BCAT1: variants seen among roughly 807,000 people sequenced by gnomAD.
The protein encoded by BCAT1 is branched-chain-amino-acid aminotransferase, cytosolic.
BCAT1 carries 48 observed loss-of-function variants against 52.4 expected under a neutral mutation model. That is an observed-to-expected ratio of 0.92 (90% CI 0.73 to 1.16). The LOEUF (loss-of-function observed/expected upper bound fraction) is 1.16. BCAT1 is among the 50% of genes most tolerant of loss of function. The probability of loss-of-function intolerance (pLI) is 0.00; values close to 1 mark genes in which losing one functional copy is unlikely to be tolerated. For missense variants in BCAT1, 451 were observed against 457.1 expected (o/e 0.99, Z 0.12); for synonymous variants, 167 against 161.3 (o/e 1.04, Z -0.27).
chr12:24,928,866 G>T (rs1943636170), intron 1 of BCAT1, among the ~76,000 whole-genome samples: 3 of 151,944 alleles, frequency 2.0e-5, no homozygotes, highest in Admixed American at 2.0e-4. Context: ...TTCCCAAGTA[G>T]CTGGGATTAC....
chr12:24,879,863 G>A (rs1479475089), intron 4 of BCAT1, among the ~76,000 whole-genome samples: 1 of 152,182 alleles, frequency 6.6e-6, no homozygotes, highest in Non-Finnish European at 1.5e-5. Flanking sequence ...TGATTACACA[G>A]ATAAGGAATG....
chr12:24,878,623 C>G lies in BCAT1; in HGVS notation c.417G>C (p.Glu139Asp), dbSNP rs760711818. 1.9e-6 allele frequency: 3 copies of G among 1,605,634 alleles called. No individual in the cohort carries two copies. The highest frequency in any genetic ancestry group is 2.6e-6 in the Non-Finnish European group (3 of 1,175,156). Residue 139 changes from glutamate to aspartate, a missense_variant, in exon 5 of 11, where the codon GAG becomes GAC. Physicochemically the swap from Glu to Asp is conservative, Grantham distance 45. Transcript: ENST00000261192. ...CCAATTTCACAAGCTGTTGAATACA[C>G]TCTAAGAGCTCTTCTTTGTCAAATA... ...LPVFDKEELL[E>D]CIQQLVKLDQ...
chr12:24,909,100 C>T (rs1288382184), intron 1 of BCAT1, among the ~76,000 whole-genome samples: 2 of 151,964 alleles, frequency 1.3e-5, no homozygotes, highest in Non-Finnish European at 2.9e-5. Flanking sequence ...TTACGGTATA[C>T]TGATGATTAG....
chr12:24,820,979 C>G (rs1349132825), intron 10 of BCAT1, among the ~76,000 whole-genome samples: 1 of 152,098 alleles, frequency 6.6e-6, no homozygotes, highest in African/African-American at 2.4e-5. Flanking sequence ...AAAGGCTGTG[C>G]AAAGCTTTGT....
At chr12:24,932,936 C>T (rs11047712) in intron 1 of BCAT1, among the ~76,000 whole-genome samples, 48,679 of 151,754 alleles carry the variant, frequency 0.32, 9,150 homozygotes, top group Middle Eastern at 0.54. Flanking sequence ...CTCAGCCTCC[C>T]GAGTAGCTGG....
intron 3 of BCAT1, among the ~76,000 whole-genome samples, chr12:24,890,564 T>C (rs1161259233): frequency 1.3e-5 from 2 of 152,184 alleles, no homozygotes; most frequent in Admixed American, 6.5e-5. Context: ...CTAATTATAA[T>C]GCATTAGCAT....
chr12:24,869,553 C>T (rs1942121231), intron 5 of BCAT1, among the ~76,000 whole-genome samples: 2 of 152,208 alleles, frequency 1.3e-5, no homozygotes, highest in Admixed American at 6.5e-5. Flanking sequence ...AGTCCTACAA[C>T]AGCAGTATCT....
chr12:24,902,495 G>T, intron 1 of BCAT1: 2 of 450,658 alleles, frequency 4.4e-6, no homozygotes, highest in Non-Finnish European at 6.2e-6. Flanking sequence ...TGCGTAATCT[G>T]CTAAATAACT....
At chr12:24,926,102 G>A (rs1218649943) in intron 1 of BCAT1, among the ~76,000 whole-genome samples, 4 of 152,126 alleles carry the variant, frequency 2.6e-5, no homozygotes, top group Admixed American at 6.5e-5. Context: ...TCTGGGAAGT[G>A]AGGAGCGCCT....
At chr12:24,862,392 C>G (rs1169040880) in intron 5 of BCAT1, among the ~76,000 whole-genome samples, 1 of 152,196 alleles carries the variant, frequency 6.6e-6, no homozygotes, top group African/African-American at 2.4e-5. Flanking sequence ...ACTGCCCCTC[C>G]CTTTTGCAGT....
intron 3 of BCAT1, among the ~76,000 whole-genome samples, chr12:24,891,220 C>A (rs952369876): frequency 6.6e-6 from 1 of 152,158 alleles, no homozygotes; most frequent in African/African-American, 2.4e-5. Context: ...CCTGAGGAGA[C>A]CACATGGAGA....
chr12:24,887,089 A>G lies in BCAT1; in HGVS notation c.280-5678T>C, dbSNP rs868541444. On this transcript the variant is annotated intron_variant, in intron 3 of 10. Transcript: ENST00000261192. Reference sequence around the variant, plus strand: ...AAAAAAAAAAAAAAAAAATATATATATATATATATATATATATATATAAAG... The same window carrying G: ...AAAAAAAAAAAAAAAAAATATATATGTATATATATATATATATATATAAAG... Among the ~76,000 whole-genome samples the G allele has an allele frequency of 5.3e-4, 57 of 106,970 alleles. 4 individuals carry two copies. In the South Asian group the frequency reaches 0.016, roughly 30 times the overall value. The allele number at this position is 106,970 out of a possible 152,430, so 70.2% of individuals were successfully genotyped here.
At chr12:24,850,058 G>A (rs1359618927) in intron 5 of BCAT1, 109 bp from the exon 6 acceptor site, 1 of 1,054,936 alleles carries the variant, frequency 9.5e-7, no homozygotes, top group Non-Finnish European at 1.3e-6. Flanking sequence ...CGAATTACAG[G>A]AGCTATTACC....
rs1162776356 is a variant in BCAT1 at position 24,881,516 on chromosome 12, C to G, written c.280-105G>C. 38 of 688,256 alleles carry G rather than the reference C, an allele frequency of 5.5e-5. No homozygotes were observed. The East Asian group carries it at 9.9e-4, about 18-fold the overall frequency. 42.6% of individuals were successfully genotyped at this position (688,256 alleles called of 1,614,324 possible). On this transcript the variant is annotated intron_variant, in intron 3 of 10. Coordinates refer to ENST00000261192, the MANE Select transcript of BCAT1 (RefSeq NM_005504.7). ...CGTTCATCTTATTCATCCCATAAAGCTGTTGACATTGACCTCAACTTGAGA... is the reference window on the plus strand; with the variant it reads ...CGTTCATCTTATTCATCCCATAAAGGTGTTGACATTGACCTCAACTTGAGA...
In BCAT1 at chr12:24,853,303, C is replaced by T. The variant is rs1206412227; in HGVS notation, c.511-3354G>A. On this transcript the variant is annotated intron_variant, in intron 5 of 10. Coordinates refer to ENST00000261192, the MANE Select transcript of BCAT1 (RefSeq NM_005504.7). ...TGAACTCATGTCATTTGTAGCAACACAGCTGCAGCTGGAGTCTCTCTATCC... is the reference window on the plus strand; with the variant it reads ...TGAACTCATGTCATTTGTAGCAACATAGCTGCAGCTGGAGTCTCTCTATCC... Among the ~76,000 whole-genome samples, 5 of 152,182 alleles carry T rather than the reference C, an allele frequency of 3.3e-5. 1 individual carries two copies. The highest frequency in any genetic ancestry group is 2.6e-4 in the Admixed American group (4 of 15,278).
At chr12:24,880,851 T>G (rs1468411802) in intron 4 of BCAT1, among the ~76,000 whole-genome samples, 1 of 102,340 alleles carries the variant, frequency 9.8e-6, no homozygotes, top group African/African-American at 4.0e-5. Flanking sequence ...TTTGTTTTTT[T>G]TTTTTACAGA....
At position 24,864,743 on chromosome 12, in the gene BCAT1, A is replaced by G. The variant is rs117416312; in HGVS notation, c.510+13787T>C. ...ACTGTGCAGCAGAATTCCTCCTGAC[A>G]TTTATACATATTCAGCATCACAGCT... is the stretch of plus-strand genomic sequence containing the variant. On this transcript the variant is annotated intron_variant, in intron 5 of 10. Transcript: ENST00000261192. Among the ~76,000 whole-genome samples, 413 of 152,230 alleles carry G rather than the reference A, an allele frequency of 2.7e-3. 4 individuals carry two copies. Among genetic ancestry groups the G allele is most frequent in the Non-Finnish European group, 1.6e-3 (111 of 68,008 alleles).
At chr12:24,915,869 T>G (rs1368223724) in intron 1 of BCAT1, among the ~76,000 whole-genome samples, 2 of 152,210 alleles carry the variant, frequency 1.3e-5, no homozygotes, top group African/African-American at 4.8e-5. Flanking sequence ...TTTTGAAACC[T>G]CTCAAGGGCT....
intron 1 of BCAT1, among the ~76,000 whole-genome samples, chr12:24,916,174 T>C (rs965575529): frequency 2.6e-5 from 4 of 152,110 alleles, no homozygotes; most frequent in African/African-American, 9.7e-5. Flanking sequence ...AACAAACTCT[T>C]GAAGCAATGA....
Sources: gnomAD v4.1 joint callset for allele counts (sites outside exome capture counted in the v4.1 genomes callset) on GRCh38, gnomAD v4.1.1 for gene constraint, MANE v1.5 for transcripts, NCBI Gene and HGNC (gene_info 2026-07-23, HGNC 2026-07-21) for gene names.